HPSE2: variants seen among roughly 807,000 people sequenced by gnomAD.
HPSE2 encodes inactive heparanase-2.
HPSE2 carries 38 observed loss-of-function variants against 60.5 expected under a neutral mutation model. That is an observed-to-expected ratio of 0.63 (90% CI 0.48 to 0.82). The LOEUF is 0.82. Ranked by LOEUF, HPSE2 falls within the 40% of genes least tolerant of loss-of-function variation. HPSE2 has a pLI of 0.00. For synonymous variants in HPSE2, 295 were observed against 293.2 expected (o/e 1.01, Z -0.06); for missense variants, 713 against 740.4 (o/e 0.96, Z 0.43).
intron 2 of HPSE2, among the ~76,000 whole-genome samples, chr10:99,192,260 C>T (rs1470450387): frequency 6.6e-6 from 1 of 152,010 alleles, no homozygotes; most frequent in Non-Finnish European, 1.5e-5. Context: ...TTATAGAACA[C>T]CAAACACATC....
intron 9 of HPSE2, among the ~76,000 whole-genome samples, chr10:98,551,225 A>C (rs755557770): frequency 1.3e-5 from 2 of 152,128 alleles, no homozygotes; most frequent in Non-Finnish European, 2.9e-5. Flanking sequence ...GCAATCAGGA[A>C]AGTAAGACAA....
At chr10:99,016,225 G>A (rs1446758520) in intron 3 of HPSE2, among the ~76,000 whole-genome samples, 1 of 152,178 alleles carries the variant, frequency 6.6e-6, no homozygotes, top group Non-Finnish European at 1.5e-5. Flanking sequence ...TATAAGGAAA[G>A]GTTCCAGTTT....
intron 2 of HPSE2, among the ~76,000 whole-genome samples, chr10:99,165,805 G>A (rs1292140432): frequency 6.6e-6 from 1 of 151,808 alleles, no homozygotes; most frequent in Non-Finnish European, 1.5e-5. Flanking sequence ...GCCTCCCAAA[G>A]TGCTGGGATT....
rs536852692 is a variant in HPSE2, at chr10:99,103,288, C to G, written c.610+40950G>C. Among the ~76,000 whole-genome samples, 276 of 152,338 alleles carry G rather than the reference C, an allele frequency of 1.8e-3. 1 individual carries two copies. Among genetic ancestry groups the G allele is most frequent in the African/African-American group, 6.5e-3 (272 of 41,574 alleles). On this transcript the variant is annotated intron_variant, in intron 3 of 11. Coordinates refer to ENST00000370552, the MANE Select transcript of HPSE2 (RefSeq NM_021828.5). The stretch of plus-strand genomic sequence containing the variant: ...CTGATAAGCAACTTCAGCAAAGTCT[C>G]AGGATACAAAATCAATGTACAAAAA...
At chr10:98,941,088 G>T (rs1296194502) in intron 3 of HPSE2, among the ~76,000 whole-genome samples, 2 of 141,942 alleles carry the variant, frequency 1.4e-5, no homozygotes, top group Non-Finnish European at 1.5e-5. Context: ...TATCTCAAAA[G>T]AATAAGAGCT....
At chr10:99,007,469 T>C (rs1259989939) in intron 3 of HPSE2, among the ~76,000 whole-genome samples, 1 of 152,226 alleles carries the variant, frequency 6.6e-6, no homozygotes, top group Non-Finnish European at 1.5e-5. Flanking sequence ...ATTTCTGTGC[T>C]ATACTTAAGT....
At chr10:98,649,984 C>T (rs1404256805) in intron 6 of HPSE2, among the ~76,000 whole-genome samples, 2 of 152,210 alleles carry the variant, frequency 1.3e-5, no homozygotes, top group African/African-American at 4.8e-5. Flanking sequence ...AAAATTTGAG[C>T]TTCCCTTCCA....
chr10:99,132,217 GAGAGAGAGAGAGAGAGAGAGA>G (rs1845454711), intron 3 of HPSE2, among the ~76,000 whole-genome samples: 1 of 21,382 alleles, frequency 4.7e-5, no homozygotes, highest in African/African-American at 7.4e-5. Flanking sequence ...GAGAGAGAGA[GAGAGAGAGAGAGAGAGAGAGA>G]GAGAGAAAGA....
intron 3 of HPSE2, among the ~76,000 whole-genome samples, chr10:98,945,554 T>A (rs1955155717): frequency 6.6e-6 from 1 of 152,146 alleles, no homozygotes; most frequent in Non-Finnish European, 1.5e-5. Flanking sequence ...TCATTTTAAT[T>A]GCTACCTAGA....
chr10:99,261,274 C>T, the HPSE2 span, among the ~76,000 whole-genome samples: 2 of 152,068 alleles, frequency 1.3e-5, no homozygotes, highest in South Asian at 2.1e-4. Context: ...CTTGCCAGGC[C>T]GAGCCAGGTC....
At chr10:98,652,870 A>T (rs1006360981) in intron 6 of HPSE2, among the ~76,000 whole-genome samples, 5 of 152,216 alleles carry the variant, frequency 3.3e-5, no homozygotes, top group Non-Finnish European at 5.9e-5. Context: ...ACTAGATAGC[A>T]ATCTGGACAA....
At chr10:99,026,252 C>A (rs1957374758) in intron 3 of HPSE2, among the ~76,000 whole-genome samples, 1 of 151,964 alleles carries the variant, frequency 6.6e-6, no homozygotes, top group South Asian at 2.1e-4. Flanking sequence ...TATGAACACA[C>A]AAATTGACTA....
chr10:98,678,486 T>A (rs530877300), intron 6 of HPSE2, among the ~76,000 whole-genome samples: 3 of 152,228 alleles, frequency 2.0e-5, no homozygotes, highest in African/African-American at 7.2e-5. Flanking sequence ...GGTTCTCAGG[T>A]GATGCTGATC....
chr10:98,782,454 C>A (rs1950493438), intron 3 of HPSE2, among the ~76,000 whole-genome samples: 1 of 133,470 alleles, frequency 7.5e-6, no homozygotes, highest in Non-Finnish European at 1.6e-5. Context: ...TTTTTAGATT[C>A]AATAAAATCC....
intron 9 of HPSE2, among the ~76,000 whole-genome samples, chr10:98,612,108 A>G (rs1176013883): frequency 1.3e-5 from 2 of 152,214 alleles, no homozygotes; most frequent in Non-Finnish European, 2.9e-5. Flanking sequence ...CTGGAAATGA[A>G]GCCTGTCTAG....
intron 3 of HPSE2, among the ~76,000 whole-genome samples, chr10:99,075,863 T>G (rs1361579494): frequency 6.6e-6 from 1 of 152,188 alleles, no homozygotes; most frequent in Non-Finnish European, 1.5e-5. Context: ...ACCATTTACA[T>G]GGAATATATT....
At chr10:98,824,733 G>C (rs1227503057) in intron 3 of HPSE2, among the ~76,000 whole-genome samples, 2 of 152,106 alleles carry the variant, frequency 1.3e-5, no homozygotes, top group African/African-American at 4.8e-5. Context: ...GAGTTTTCTA[G>C]AATATCAAAA....
At chr10:98,960,746 T>TTTTTTTTTTTTTTTTTA (rs1955653455) in intron 3 of HPSE2, among the ~76,000 whole-genome samples, 1 of 129,862 alleles carries the variant, frequency 7.7e-6, no homozygotes, top group Non-Finnish European at 1.7e-5. Context: ...TTTTATTTTT[T>TTTTTTTTTTTTTTTTTA]TTTTTATTAT....
chr10:98,506,571 C>A (rs1942207228), intron 9 of HPSE2, among the ~76,000 whole-genome samples: 1 of 152,138 alleles, frequency 6.6e-6, no homozygotes, highest in Admixed American at 6.5e-5. Context: ...CTCAGGTTCC[C>A]CCAGTCTCAC....
Sources: allele counts gnomAD v4.1 joint callset (sites outside exome capture counted in the v4.1 genomes callset), GRCh38; gene constraint gnomAD v4.1.1; transcripts MANE v1.5; gene names NCBI Gene and HGNC (gene_info 2026-07-23, HGNC 2026-07-21).